The following PHLPP1 variants were observed in gnomAD, a reference collection of about 807,000 sequenced individuals.
The protein encoded by PHLPP1 is PH domain and leucine rich repeat protein phosphatase 1, also known as PH domain leucine-rich repeat-containing protein phosphatase 1.
A neutral mutation model predicts 117.2 loss-of-function variants in PHLPP1; 42 were observed. The ratio of observed to expected loss-of-function variants is 0.36; its 90% CI spans 0.28 to 0.46. The LOEUF (loss-of-function observed/expected upper bound fraction) is 0.46. Among genes scored for constraint, PHLPP1 ranks in the 20% least tolerant of loss-of-function variants. The probability of loss-of-function intolerance (pLI) is 1.00; values close to 1 mark genes in which losing one functional copy is unlikely to be tolerated. For synonymous variants in PHLPP1, 1,042 were observed against 970.7 expected (o/e 1.07, Z -1.37); for missense variants, 2,084 against 2,241.9 (o/e 0.93, Z 1.42).
At chr18:62,920,189 G>A in intron 10 of PHLPP1, 75 bp downstream of exon 10, 1 of 1,343,574 alleles carries the variant, frequency 7.4e-7, no homozygotes, top group East Asian at 2.4e-5. Flanking sequence ...TTCGTGACCT[G>A]AGACTGTATA....
chr18:62,736,928 G>T (rs1439603868), intron 1 of PHLPP1, among the ~76,000 whole-genome samples: 3 of 152,110 alleles, frequency 2.0e-5, no homozygotes, highest in African/African-American at 7.2e-5. Flanking sequence ...ACTAGCTATG[G>T]CTATCAGACA....
At chr18:62,970,642 G>A (rs1238793619) in intron 14 of PHLPP1, among the ~76,000 whole-genome samples, 1 of 152,150 alleles carries the variant, frequency 6.6e-6, no homozygotes, top group African/African-American at 2.4e-5. Context: ...GCGGGTGCCT[G>A]TAATCCCAGC....
At chr18:62,924,178 T>C (rs1456886720) in intron 10 of PHLPP1, among the ~76,000 whole-genome samples, 1 of 152,232 alleles carries the variant, frequency 6.6e-6, no homozygotes, top group Non-Finnish European at 1.5e-5. Flanking sequence ...TACAAAGCTG[T>C]GTGTTTGGCA....
chr18:62,854,738 C>A (rs1185398190), intron 3 of PHLPP1, among the ~76,000 whole-genome samples: 1 of 150,436 alleles, frequency 6.6e-6, no homozygotes, highest in African/African-American at 2.5e-5. Context: ...CTCTTGTCAC[C>A]CAGGGTGGAG....
intron 14 of PHLPP1, among the ~76,000 whole-genome samples, chr18:62,970,730 A>G (rs1599147394): frequency 6.6e-6 from 1 of 152,192 alleles, no homozygotes; most frequent in Admixed American, 6.5e-5. Context: ...ACACCACTGC[A>G]CTCCAGCCTG....
intron 1 of PHLPP1, among the ~76,000 whole-genome samples, chr18:62,753,109 A>G (rs951689233): frequency 6.6e-6 from 1 of 152,238 alleles, no homozygotes; most frequent in Non-Finnish European, 1.5e-5. Context: ...GAAGAACTGA[A>G]TATCAGTAGT....
chr18:62,950,384 G>A (rs866378381), intron 12 of PHLPP1, among the ~76,000 whole-genome samples: 8 of 152,190 alleles, frequency 5.3e-5, no homozygotes, highest in South Asian at 4.1e-4. Context: ...ATATAGATCA[G>A]CTCTCAATCA....
intron 12 of PHLPP1, among the ~76,000 whole-genome samples, chr18:62,947,080 A>G (rs906902306): frequency 2.0e-5 from 3 of 152,196 alleles, no homozygotes; most frequent in Non-Finnish European, 4.4e-5. Flanking sequence ...AACAACAACA[A>G]AAATTTCCAG....
Position 62,940,781 on chromosome 18 carries a change from A to G in PHLPP1, c.2961-937A>G, listed in dbSNP as rs139436159. ...ATAAATACAGAAAAGAGGCCAGATC[A>G]TAAGTGTAGCCCTTGATGCTTCGTC... On this transcript the variant is annotated intron_variant, in intron 10 of 16. Transcript: ENST00000262719. Among the ~76,000 whole-genome samples the G allele has an allele frequency of 6.4e-3, 971 of 152,374 alleles. 17 individuals are homozygous for G. Among genetic ancestry groups the G allele is most frequent in the South Asian group, 0.024 (114 of 4,830 alleles).
chr18:62,943,178 G>T (rs989443361), intron 11 of PHLPP1, among the ~76,000 whole-genome samples: 1 of 152,166 alleles, frequency 6.6e-6, no homozygotes, highest in Non-Finnish European at 1.5e-5. Context: ...TAAGTGCAGA[G>T]AAACTTTTAA....
intron 2 of PHLPP1, among the ~76,000 whole-genome samples, chr18:62,830,792 A>G (rs1364009254): frequency 2.0e-5 from 3 of 152,192 alleles, no homozygotes; most frequent in Admixed American, 1.3e-4. Context: ...TTTTATTGTC[A>G]TATGTCAGAG....
At chr18:62,859,824 CTA>C (rs1421782910) in intron 3 of PHLPP1, among the ~76,000 whole-genome samples, 1 of 152,158 alleles carries the variant, frequency 6.6e-6, no homozygotes, top group Non-Finnish European at 1.5e-5. Flanking sequence ...ATGGAATAAT[CTA>C]TGTTCTTTCC....
intron 2 of PHLPP1, among the ~76,000 whole-genome samples, chr18:62,836,500 G>C (rs1446186436): frequency 2.0e-5 from 3 of 150,700 alleles, no homozygotes; most frequent in Non-Finnish European, 4.4e-5. Context: ...TAAATTACTG[G>C]ATTTTGATGC....
chr18:62,715,632 C>G lies in PHLPP1; in HGVS notation c.-52C>G. The G allele has an allele frequency of 8.2e-7, 1 of 1,225,090 alleles. No homozygotes were observed. The allele number at this position is 1,225,090 out of a possible 1,614,324, so 75.9% of individuals were successfully genotyped here. On this transcript the variant is annotated 5_prime_UTR_variant, in exon 1 of 17. Coordinates refer to ENST00000262719, the MANE Select transcript of PHLPP1 (RefSeq NM_194449.4). ...CTCCCACCTCCGCCTCATCGCCTCC[C>G]TCTCCGCCCGCTGCCTCCGGAGCTG... is the stretch of plus-strand genomic sequence containing the variant.
At chr18:62,977,428 C>CA (rs3087160) in intron 16 of PHLPP1, among the ~76,000 whole-genome samples, 1,089 of 74,188 alleles carry the variant, frequency 0.015, 15 homozygotes, top group Non-Finnish European at 0.021. Context: ...GTACACGTGG[C>CA]AAAAAAAAAA....
intron 1 of PHLPP1, among the ~76,000 whole-genome samples, chr18:62,729,887 T>A (rs549588164): frequency 3.2e-4 from 49 of 152,250 alleles, no homozygotes; most frequent in Non-Finnish European, 5.7e-4. Flanking sequence ...AACATTTCTA[T>A]CACCCTGTAT....
intron 3 of PHLPP1, among the ~76,000 whole-genome samples, chr18:62,859,714 C>T (rs757824603): frequency 1.3e-5 from 2 of 152,100 alleles, no homozygotes; most frequent in Non-Finnish European, 2.9e-5. Flanking sequence ...TGTATTTACT[C>T]GATAGCTCTG....
At chr18:62,971,543 CT>C (rs1911048363) in intron 14 of PHLPP1, among the ~76,000 whole-genome samples, 1 of 152,106 alleles carries the variant, frequency 6.6e-6, no homozygotes, top group East Asian at 1.9e-4. Context: ...CTCTGGCCAC[CT>C]TGTCCTCCTT....
chr18:62,828,579 A>G (rs2078954383), intron 1 of PHLPP1, among the ~76,000 whole-genome samples: 1 of 152,212 alleles, frequency 6.6e-6, no homozygotes, highest in Non-Finnish European at 1.5e-5. Context: ...AAGAAGTGAA[A>G]TTCGAACCTG....
Sources: allele counts gnomAD v4.1 joint callset (sites outside exome capture counted in the v4.1 genomes callset), GRCh38; gene constraint gnomAD v4.1.1; transcripts MANE v1.5; gene names NCBI Gene and HGNC (gene_info 2026-07-23, HGNC 2026-07-21).